Variants in ZNF138 observed in about 807,000 individuals in gnomAD.
ZNF138 encodes the protein zinc finger protein 138 (clone pHZ-32).
Under a neutral mutation model 33.0 loss-of-function variants are expected in ZNF138, and 33 were observed. The ratio of observed to expected loss-of-function variants is 1.00; its 90% CI spans 0.76 to 1.34. The LOEUF (loss-of-function observed/expected upper bound fraction) is 1.34, where lower values mean the gene tolerates loss of function less well. Among genes scored for constraint, ZNF138 ranks in the 40% most tolerant of loss-of-function variants. The pLI is 0.00. For missense variants in ZNF138, 360 were observed against 370.8 expected (o/e 0.97, Z 0.24); for synonymous variants, 139 against 120.4 (o/e 1.15, Z -1.01).
intron 1 of ZNF138, chr7:64,814,139 A>G (rs60113999): frequency 0.4 from 475,603 of 1,195,216 alleles, 98,249 homozygotes; most frequent in Non-Finnish European, 0.42. Flanking sequence ...AAAAACATTG[A>G]CATTAGCGGT....
chr7:64,805,307 G>A (rs1373664576), intron 1 of ZNF138, among the ~76,000 whole-genome samples: 1 of 151,996 alleles, frequency 6.6e-6, no homozygotes, highest in Non-Finnish European at 1.5e-5. Context: ...GCTGAGCCAG[G>A]AGAATTGCTT....
At position 64,801,703 on chromosome 7, in the gene ZNF138, CT is replaced by C. The variant is rs924083576; in HGVS notation, c.3+7138del. ...ATTTGGTTAAGTATTGAGTTTAGTTCTTTTTTAATTTGCTGCCTCAATAATG... is the reference window on the plus strand; with the variant it reads ...ATTTGGTTAAGTATTGAGTTTAGTTCTTTTTAATTTGCTGCCTCAATAATG... On this transcript the variant is annotated intron_variant, in intron 1 of 3. Coordinates refer to ENST00000307355, the MANE Select transcript of ZNF138 (RefSeq NM_001271639.2). 3.7e-4 allele frequency among the ~76,000 whole-genome samples: 56 copies of C among 152,082 alleles called. No homozygotes were observed. In the East Asian group the frequency reaches 0.01, roughly 28 times the overall value.
At chr7:64,837,091 T>C (rs182886298), downstream of ZNF138, among the ~76,000 whole-genome samples, 248 of 152,254 alleles carry the variant, frequency 1.6e-3, no homozygotes, top group African/African-American at 5.7e-3. Context: ...CCTGAATAAA[T>C]TGTTGGAGCC....
the ZNF138 span, among the ~76,000 whole-genome samples, chr7:64,860,607 T>C: frequency 6.6e-6 from 1 of 152,200 alleles, no homozygotes; most frequent in Non-Finnish European, 1.5e-5. Context: ...GCAGCACTTT[T>C]GGCTAGTAAA....
Position 64,829,320 on chromosome 7 carries a change from C to G in ZNF138, c.209-2131C>G, listed in dbSNP as rs77994945. On this transcript the variant is annotated intron_variant, in intron 3 of 3. Transcript: ENST00000307355. ...AATACTCTACTGTAATTATATTGCT[C>G]TCTATGTGTTTCCTCCATTCTTTCA... Among the ~76,000 whole-genome samples, 1,301 of 151,686 alleles carry G rather than the reference C, an allele frequency of 8.6e-3. 14 individuals carry two copies. Among genetic ancestry groups the G allele is most frequent in the African/African-American group, 0.03 (1,235 of 41,360 alleles).
intron 3 of ZNF138, 65 bp downstream of exon 3, chr7:64,815,718 C>A: frequency 7.3e-7 from 1 of 1,372,338 alleles, no homozygotes; most frequent in Admixed American, 2.3e-5. Flanking sequence ...AAGACCACTC[C>A]TTTAAATGTG....
chr7:64,834,424 G>A (rs1468273039), downstream of ZNF138, among the ~76,000 whole-genome samples: 1 of 152,080 alleles, frequency 6.6e-6, no homozygotes. Flanking sequence ...CAAAACTAAA[G>A]TGGGTAGATA....
rs760570137 is a variant in ZNF138, at chr7:64,831,718, T to G, written c.476T>G (p.Ile159Arg). The G allele has an allele frequency of 1.2e-6, 2 of 1,613,122 alleles. No individual in the cohort carries two copies. Among genetic ancestry groups the G allele is most frequent in the South Asian group, 2.2e-5 (2 of 90,754 alleles). ...TTTTCAAATTCAAATAGACACAAGA[T>G]AAGACATACTGAAAATAAACATTTC... is the stretch of plus-strand genomic sequence containing the variant. ...HKFSNSNRHK[I>R]RHTENKHFRC... The change falls in exon 4 of 4, where the codon ATA becomes AGA. Residue 159 changes from isoleucine (I) to arginine (R), a missense_variant. Transcript: ENST00000307355.
At chr7:64,834,931 C>T (rs1232728049), downstream of ZNF138, among the ~76,000 whole-genome samples, 1 of 152,132 alleles carries the variant, frequency 6.6e-6, no homozygotes, top group Admixed American at 6.5e-5. Flanking sequence ...ATCAATAAGG[C>T]CAAGAGGCGA....
At chr7:64,802,582 G>C (rs868134295) in intron 1 of ZNF138, among the ~76,000 whole-genome samples, 21 of 151,984 alleles carry the variant, frequency 1.4e-4, no homozygotes, top group South Asian at 2.1e-4. Context: ...AGTAAGTCAC[G>C]ATCTATAGGG....
rs1554364159 is a variant in ZNF138 at position 64,805,411 on chromosome 7, C to CAAACAA, written c.4-9504_4-9503insCAAAAA. On this transcript the variant is annotated intron_variant, in intron 1 of 3. Coordinates refer to ENST00000307355, the MANE Select transcript of ZNF138 (RefSeq NM_001271639.2). ...AAGACTCTGTCTCAAAAAAACAAAA[C>CAAACAA]AAAAAAAAAAACTGAGGCTGAAACA... Among the ~76,000 whole-genome samples the CAAACAA allele has an allele frequency of 1.2e-3, 150 of 127,044 alleles. 1 individual carries two copies. The highest frequency in any genetic ancestry group is 3.8e-3 in the African/African-American group (144 of 38,310). 83.3% of individuals were successfully genotyped at this position (127,044 alleles called of 152,430 possible).
At chr7:64,855,127 A>G in the ZNF138 span, among the ~76,000 whole-genome samples, 1 of 152,178 alleles carries the variant, frequency 6.6e-6, no homozygotes, top group Non-Finnish European at 1.5e-5. Context: ...TTTCTGTACA[A>G]TGTCATGCAC....
intron 3 of ZNF138, among the ~76,000 whole-genome samples, chr7:64,817,998 T>A (rs1788804702): frequency 8.8e-6 from 1 of 114,030 alleles, no homozygotes; most frequent in African/African-American, 3.1e-5. Context: ...TTATTATTAT[T>A]TTTTTTTTTT....
Position 64,832,320 on chromosome 7 carries a change from G to T in ZNF138, c.*118G>T. 1 of 1,570,962 alleles carries T rather than the reference G, an allele frequency of 6.4e-7. No homozygotes were observed. ...TACACATAAGATAATTCATAGCGGA[G>T]AGAAACCCCACAAATGTGAAGAATG... On this transcript the variant is annotated 3_prime_UTR_variant, in exon 4 of 4. Transcript: ENST00000307355.
At chr7:64,848,274 A>T in the ZNF138 span, among the ~76,000 whole-genome samples, 2 of 152,112 alleles carry the variant, frequency 1.3e-5, no homozygotes, top group Non-Finnish European at 2.9e-5. Context: ...CTCGTCAGAA[A>T]CACCAATTAT....
intron 1 of ZNF138, among the ~76,000 whole-genome samples, chr7:64,808,746 G>A (rs1224838766): frequency 7.3e-5 from 10 of 137,490 alleles, no homozygotes; most frequent in East Asian, 4.1e-4. Flanking sequence ...GCGGCCTTCC[G>A]CAGTGTTTGT....
chr7:64,815,002 A>C lies in ZNF138; in HGVS notation c.88A>C (p.Arg30=). The C allele has an allele frequency of 6.2e-7, 1 of 1,612,530 alleles. No homozygotes were observed. Among genetic ancestry groups the C allele is most frequent in the Non-Finnish European group, 8.5e-7 (1 of 1,179,218 alleles). The change falls in exon 2 of 4, where the codon AGG becomes CGG. Residue 30 remains arginine, a synonymous_variant. Coordinates refer to ENST00000307355, the MANE Select transcript of ZNF138 (RefSeq NM_001271639.2). ...CLDTAQRNVY[R]HVMLENYRNL... The stretch of plus-strand genomic sequence containing the variant: ...GGACACTGCACAGCGGAATGTATAT[A>C]GGCATGTGATGTTAGAGAACTACAG...
Position 64,815,496 on chromosome 7 carries a change from C to T in ZNF138, c.131-80C>T, listed in dbSNP as rs1788544662. On this transcript the variant is annotated intron_variant, in intron 2 of 3. Transcript: ENST00000307355. ...TACATTCTCTTTACTGAGCACATTA[C>T]TAGGTTGGTAATTGGAGAATATGAG... The T allele has an allele frequency of 8.7e-6, 11 of 1,264,514 alleles. No individual in the cohort carries two copies. In the East Asian group the frequency reaches 9.8e-5, roughly 11 times the overall value. The allele number at this position is 1,264,514 out of a possible 1,614,324, so 78.3% of individuals were successfully genotyped here.
intron 1 of ZNF138, among the ~76,000 whole-genome samples, chr7:64,803,767 A>T (rs116054387): frequency 6.6e-6 from 1 of 151,198 alleles, no homozygotes; most frequent in African/African-American, 2.4e-5. Flanking sequence ...TCCTATGTAC[A>T]TTATAAATAG....
Sources: gnomAD v4.1 joint callset for allele counts (sites outside exome capture counted in the v4.1 genomes callset) on GRCh38, gnomAD v4.1.1 for gene constraint, MANE v1.5 for transcripts, NCBI Gene and HGNC (gene_info 2026-07-23, HGNC 2026-07-21) for gene names.